The following IFT25 variants were observed in gnomAD, a reference collection of about 807,000 sequenced individuals.
IFT25 encodes the protein intraflagellar transport protein 25 homolog.
At chr1:53,931,319 A>G in the IFT25 span, among the ~76,000 whole-genome samples, 1 of 152,212 alleles carries the variant, frequency 6.6e-6, no homozygotes, top group Admixed American at 6.5e-5. Flanking sequence ...AATTGCTGGG[A>G]CATAGGGTAA....
the IFT25 span, chr1:53,945,673 G>C: frequency 6.6e-6 from 1 of 152,046 alleles, no homozygotes; most frequent in Non-Finnish European, 1.5e-5. Context: ...CCTCCGTGGA[G>C]TCCGGGGTCG....
the IFT25 span, among the ~76,000 whole-genome samples, chr1:53,927,464 A>G: frequency 6.6e-6 from 1 of 152,056 alleles, no homozygotes; most frequent in Non-Finnish European, 1.5e-5. Context: ...TTTCAACTCC[A>G]TGTCTCACTC....
the IFT25 span, among the ~76,000 whole-genome samples, chr1:53,944,618 T>C: frequency 2.2e-4 from 34 of 152,340 alleles, no homozygotes; most frequent in Admixed American, 3.3e-4. Flanking sequence ...CACTCCAGCG[T>C]GGGCGACGAG....
chr1:53,930,870 A>G, the IFT25 span, among the ~76,000 whole-genome samples: 9 of 152,218 alleles, frequency 5.9e-5, no homozygotes, highest in African/African-American at 2.2e-4. Context: ...TTTAAGTCAT[A>G]TATAGGCAAA....
At chr1:53,916,021 TAAA>T in the IFT25 span, among the ~76,000 whole-genome samples, 1 of 151,646 alleles carries the variant, frequency 6.6e-6, no homozygotes, top group Non-Finnish European at 1.5e-5. Flanking sequence ...CACATTTCTA[TAAA>T]AATACAAAAA....
chr1:53,927,802 A>T, the IFT25 span, among the ~76,000 whole-genome samples: 1 of 152,218 alleles, frequency 6.6e-6, no homozygotes, highest in South Asian at 2.1e-4. Context: ...CAGCTAAAGA[A>T]GTTACTACTC....
the IFT25 span, among the ~76,000 whole-genome samples, chr1:53,944,054 C>T: frequency 5.9e-5 from 9 of 152,328 alleles, no homozygotes; most frequent in Middle Eastern, 3.4e-3. Flanking sequence ...GAAGCAAACA[C>T]ATGCTTTAAT....
the IFT25 span, among the ~76,000 whole-genome samples, chr1:53,936,885 C>A: frequency 6.6e-6 from 1 of 151,740 alleles, no homozygotes; most frequent in Non-Finnish European, 1.5e-5. Context: ...TTTAGAGATG[C>A]GGTCTTGCTA....
chr1:53,941,152 G>A, the IFT25 span, among the ~76,000 whole-genome samples: 4 of 152,134 alleles, frequency 2.6e-5, no homozygotes, highest in African/African-American at 4.8e-5. Flanking sequence ...CAGCCACCAC[G>A]CCCAGCTAAT....
chr1:53,934,729 T>C, the IFT25 span, among the ~76,000 whole-genome samples: 5 of 152,210 alleles, frequency 3.3e-5, no homozygotes, highest in Admixed American at 2.6e-4. Flanking sequence ...CCAGGTGTGT[T>C]AGCACATGCC....
chr1:53,940,115 A>C, the IFT25 span: 2 of 1,254,190 alleles, frequency 1.6e-6, no homozygotes, highest in Non-Finnish European at 2.3e-6. Flanking sequence ...TTAAAAAATA[A>C]CAAAAAAAGC....
chr1:53,935,262 A>G, the IFT25 span, among the ~76,000 whole-genome samples: 1 of 152,208 alleles, frequency 6.6e-6, no homozygotes. Context: ...GCAGTGAGAC[A>G]AGATTGCGCC....
the IFT25 span, among the ~76,000 whole-genome samples, chr1:53,915,116 A>T: frequency 6.6e-6 from 1 of 152,246 alleles, no homozygotes; most frequent in Non-Finnish European, 1.5e-5. Flanking sequence ...ATAAAGAGAT[A>T]TAGGCGTGCA....
chr1:53,932,370 C>T, the IFT25 span, among the ~76,000 whole-genome samples: 5 of 151,534 alleles, frequency 3.3e-5, no homozygotes, highest in Non-Finnish European at 7.4e-5. Context: ...AAGATCCCTT[C>T]TGATTTCTTT....
the IFT25 span, among the ~76,000 whole-genome samples, chr1:53,917,856 A>G: frequency 9.6e-4 from 146 of 152,148 alleles, no homozygotes; most frequent in Admixed American, 2.7e-3. Context: ...GTCATTTTTC[A>G]GTTTGTCTAT....
the IFT25 span, among the ~76,000 whole-genome samples, chr1:53,915,814 T>C: frequency 6.6e-6 from 1 of 151,928 alleles, no homozygotes; most frequent in Admixed American, 6.6e-5. Context: ...ACAGTGGCAG[T>C]CAGGAGTCCA....
the IFT25 span, among the ~76,000 whole-genome samples, chr1:53,933,355 C>A: frequency 6.6e-6 from 1 of 151,956 alleles, no homozygotes; most frequent in Non-Finnish European, 1.5e-5. Context: ...AGGATGGTCT[C>A]GATCTCCTGA....
the IFT25 span, chr1:53,923,701 C>T: frequency 2.2e-6 from 1 of 444,918 alleles, no homozygotes; most frequent in African/African-American, 2.0e-5. Context: ...ATCTTGCCGT[C>T]ACTCTCTATG....
At chr1:53,932,409 G>A in the IFT25 span, among the ~76,000 whole-genome samples, 1 of 151,890 alleles carries the variant, frequency 6.6e-6, no homozygotes, top group African/African-American at 2.4e-5. Context: ...TAGAAGTGCA[G>A]TGTTTAATTT....
Sources: allele counts gnomAD v4.1 joint callset (sites outside exome capture counted in the v4.1 genomes callset), GRCh38; gene constraint gnomAD v4.1.1; transcripts MANE v1.5; gene names NCBI Gene and HGNC (gene_info 2026-07-23, HGNC 2026-07-21).